The following MYO1H variants were observed in gnomAD, a reference collection of about 807,000 sequenced individuals.
MYO1H encodes the protein myosin IH.
MYO1H carries 118 observed loss-of-function variants against 149.3 expected under a neutral mutation model. The ratio of observed to expected loss-of-function variants is 0.79; its 90% confidence interval spans 0.68 to 0.92. MYO1H has a LOEUF of 0.92. MYO1H is among the 40% of genes least tolerant of loss of function. The probability of loss-of-function intolerance (pLI) is 0.00; values close to 1 mark genes in which losing one functional copy is unlikely to be tolerated. For missense variants in MYO1H, 1,212 were observed against 1,280.7 expected (o/e 0.95, Z 0.82); for synonymous variants, 447 against 465.2 (o/e 0.96, Z 0.50).
At chr12:109,321,042 C>A in the MYO1H span, among the ~76,000 whole-genome samples, 1 of 150,622 alleles carries the variant, frequency 6.6e-6, no homozygotes, top group Non-Finnish European at 1.5e-5. Context: ...GAGCCAAGAT[C>A]GTGCCACTGC....
chr12:109,424,105 T>C (rs569937584), intron 16 of MYO1H, among the ~76,000 whole-genome samples: 1 of 152,346 alleles, frequency 6.6e-6, no homozygotes, highest in East Asian at 1.9e-4. Flanking sequence ...AATAGCACAC[T>C]GTATGTGTGG....
chr12:109,437,260 A>G (rs559504235), intron 22 of MYO1H, among the ~76,000 whole-genome samples: 1 of 152,264 alleles, frequency 6.6e-6, no homozygotes, highest in Admixed American at 6.5e-5. Flanking sequence ...TGAATTTTGC[A>G]TTAATCATTC....
intron 31 of MYO1H, chr12:109,446,511 C>T (rs971445461): frequency 2.1e-6 from 2 of 973,492 alleles, no homozygotes; most frequent in Admixed American, 1.2e-4. Context: ...CGCCTATAAT[C>T]CCAGCACTTT....
intron 8 of MYO1H, among the ~76,000 whole-genome samples, chr12:109,406,467 T>TAAA (rs56744077): frequency 1.6e-4 from 7 of 43,640 alleles, no homozygotes; most frequent in Admixed American, 1.3e-3. Flanking sequence ...CCCTATCTCT[T>TAAA]AAAAAAAAAA....
At chr12:109,412,030 G>T in intron 14 of MYO1H, 45 bp downstream of exon 14, 2 of 1,323,608 alleles carry the variant, frequency 1.5e-6, no homozygotes, top group Admixed American at 2.2e-5. Context: ...GAAGATGATT[G>T]TGTCTCCATT....
intron 1 of MYO1H, among the ~76,000 whole-genome samples, chr12:109,378,157 G>A (rs1460448823): frequency 6.6e-6 from 1 of 152,058 alleles, no homozygotes; most frequent in Non-Finnish European, 1.5e-5. Context: ...GCAGAGTTGT[G>A]CAGTCATCAC....
intron 23 of MYO1H, 104 bp downstream of exon 23, chr12:109,438,724 A>T (rs539630587): frequency 6.9e-6 from 6 of 872,602 alleles, no homozygotes; most frequent in Non-Finnish European, 1.1e-5. Flanking sequence ...TGATTTGTGC[A>T]GAAAGGAAAA....
At chr12:109,389,757 G>A (rs1730093539) in intron 2 of MYO1H, among the ~76,000 whole-genome samples, 1 of 152,032 alleles carries the variant, frequency 6.6e-6, no homozygotes, top group Non-Finnish European at 1.5e-5. Flanking sequence ...TTAATTTTTT[G>A]AGATTTTATT....
At chr12:109,447,697 G>A in exon 32 of MYO1H, 1 of 174,886 alleles carries the variant, frequency 5.7e-6, no homozygotes, top group Non-Finnish European at 1.2e-5. Flanking sequence ...AGGTGTGTGT[G>A]TCAGGTGCAC....
rs1869188638 is a variant in MYO1H, at chr12:109,380,814, C to A, written c.13-7869C>A. On this transcript the variant is annotated intron_variant, in intron 1 of 31. Transcript: ENST00000310903. Reference sequence around the variant, plus strand: ...TACAAAAATTAGCCAGGCATGGTGGCCCGCACCAGTAGTCCCAACTACTCG... The same window carrying A: ...TACAAAAATTAGCCAGGCATGGTGGACCGCACCAGTAGTCCCAACTACTCG... Among the ~76,000 whole-genome samples the A allele has an allele frequency of 2.0e-5, 3 of 152,024 alleles. 1 individual carries two copies. In the South Asian group the frequency reaches 6.2e-4, roughly 32 times the overall value.
At chr12:109,390,829 C>T (rs1457978384) in intron 2 of MYO1H, among the ~76,000 whole-genome samples, 1 of 152,074 alleles carries the variant, frequency 6.6e-6, no homozygotes, top group East Asian at 1.9e-4. Flanking sequence ...CCACGCCTGG[C>T]TAATTTTTTT....
intron 3 of MYO1H, among the ~76,000 whole-genome samples, chr12:109,395,471 C>A (rs1051677147): frequency 6.6e-6 from 1 of 152,134 alleles, no homozygotes; most frequent in African/African-American, 2.4e-5. Flanking sequence ...CGCGGTGGCT[C>A]ACACCTGTAA....
the MYO1H span, among the ~76,000 whole-genome samples, chr12:109,333,017 A>C: frequency 6.6e-6 from 1 of 152,162 alleles, no homozygotes; most frequent in Non-Finnish European, 1.5e-5. Flanking sequence ...GGACTTGTTC[A>C]TTTAAAAAAC....
chr12:109,371,079 A>T (rs999857873), intron 1 of MYO1H, among the ~76,000 whole-genome samples: 35 of 152,222 alleles, frequency 2.3e-4, no homozygotes, highest in Non-Finnish European at 1.2e-4. Context: ...TAACAGGTAT[A>T]TATAACAAAG....
Position 109,369,059 on chromosome 12 carries a change from C to T in MYO1H, c.13-19624C>T, listed in dbSNP as rs144364357. ...CTGGAGTGTAGTGGTGTGATCTCGG[C>T]TCACTGCAAATTCTGCCTCCTGGGT... On this transcript the variant is annotated intron_variant, in intron 1 of 31. Coordinates refer to ENST00000310903, the Ensembl canonical transcript of MYO1H. Among the ~76,000 whole-genome samples the T allele has an allele frequency of 5.1e-4, 77 of 150,408 alleles. No homozygotes were observed. In the East Asian group the frequency reaches 0.012, roughly 24 times the overall value.
At chr12:109,312,297 C>A in the MYO1H span, among the ~76,000 whole-genome samples, 1 of 152,236 alleles carries the variant, frequency 6.6e-6, no homozygotes, top group Admixed American at 6.5e-5. Flanking sequence ...ACTGCAAGCA[C>A]CACCTCCCGG....
chr12:109,444,638 G>C (rs1389563720), intron 30 of MYO1H, 109 bp downstream of exon 30: 2 of 826,500 alleles, frequency 2.4e-6, no homozygotes, highest in Non-Finnish European at 4.0e-6. Flanking sequence ...AGGCTGAGGT[G>C]AGCAGATAAC....
chr12:109,416,471 G>A (rs1270850489), intron 15 of MYO1H, among the ~76,000 whole-genome samples: 2 of 151,356 alleles, frequency 1.3e-5, no homozygotes, highest in African/African-American at 4.9e-5. Flanking sequence ...TTTTGTCAGG[G>A]TTCATCCATG....
chr12:109,401,505 G>C (rs1182427746), intron 6 of MYO1H: 2 of 425,166 alleles, frequency 4.7e-6, no homozygotes, highest in Non-Finnish European at 8.3e-6. Context: ...CTCATCCCTG[G>C]CTGAAACTAG....
Sources: gnomAD v4.1 joint callset for allele counts (sites outside exome capture counted in the v4.1 genomes callset) on GRCh38, gnomAD v4.1.1 for gene constraint, MANE v1.5 for transcripts, NCBI Gene and HGNC (gene_info 2026-07-23, HGNC 2026-07-21) for gene names.